The following EBF2 variants were observed in gnomAD, a reference collection of about 807,000 sequenced individuals.
EBF2 encodes the protein transcription factor COE2.
In EBF2, 21 loss-of-function variants were observed where a neutral mutation model predicts 72.8. That is an observed-to-expected ratio of 0.29 (90% CI 0.20 to 0.42). The LOEUF (loss-of-function observed/expected upper bound fraction) is 0.42. EBF2 is among the 10% of genes least tolerant of loss of function. The pLI is 1.00. For missense variants in EBF2, 637 were observed against 731.2 expected (o/e 0.87, Z 1.49); for synonymous variants, 299 against 274.2 (o/e 1.09, Z -0.89).
At chr8:25,901,651 C>T (rs1006361972) in intron 7 of EBF2, among the ~76,000 whole-genome samples, 10 of 152,178 alleles carry the variant, frequency 6.6e-5, no homozygotes, top group African/African-American at 2.2e-4. Flanking sequence ...GATCTGCTGA[C>T]ATTTGTGTCC....
chr8:25,960,360 T>C (rs1284141971), intron 6 of EBF2, among the ~76,000 whole-genome samples: 1 of 152,180 alleles, frequency 6.6e-6, no homozygotes, highest in Non-Finnish European at 1.5e-5. Context: ...ACAGAGCCCC[T>C]AAAAGCAAGC....
chr8:25,957,008 C>T (rs73675755), intron 6 of EBF2, among the ~76,000 whole-genome samples: 2,005 of 152,282 alleles, frequency 0.013, 47 homozygotes, highest in African/African-American at 0.046. Context: ...ACTGACAGAT[C>T]GAGAATATCT....
At chr8:25,959,122 G>C (rs1312778251) in intron 6 of EBF2, among the ~76,000 whole-genome samples, 2 of 152,168 alleles carry the variant, frequency 1.3e-5, no homozygotes, top group East Asian at 1.9e-4. Context: ...TGGTGCTCAG[G>C]AATTTCTTCA....
At chr8:25,989,016 G>A (rs985003833) in intron 6 of EBF2, among the ~76,000 whole-genome samples, 1 of 152,218 alleles carries the variant, frequency 6.6e-6, no homozygotes. Flanking sequence ...CAGTTGCGGT[G>A]TAGAGGAAAG....
chr8:25,877,893 T>C (rs1167749265), intron 10 of EBF2, among the ~76,000 whole-genome samples: 2 of 152,198 alleles, frequency 1.3e-5, no homozygotes, highest in Non-Finnish European at 2.9e-5. Flanking sequence ...CTCATTTCTT[T>C]GTTTAAAATA....
chr8:25,855,599 A>G (rs1020341819), intron 14 of EBF2, among the ~76,000 whole-genome samples: 1 of 152,168 alleles, frequency 6.6e-6, no homozygotes, highest in Non-Finnish European at 1.5e-5. Flanking sequence ...AAATCATAGA[A>G]TTGTGTTTTC....
At chr8:25,911,041 G>A (rs1236623696) in intron 6 of EBF2, among the ~76,000 whole-genome samples, 4 of 151,194 alleles carry the variant, frequency 2.6e-5, no homozygotes, top group East Asian at 1.9e-4. Flanking sequence ...CTGGTTCTCC[G>A]CCCTCCACCC....
chr8:25,969,020 A>T (rs79584291), intron 6 of EBF2, among the ~76,000 whole-genome samples: 3,903 of 152,248 alleles, frequency 0.026, 185 homozygotes, highest in African/African-American at 0.089. Flanking sequence ...GTAAAAAAAA[A>T]TTTTGATTGA....
intron 5 of EBF2, among the ~76,000 whole-genome samples, chr8:26,037,937 G>T (rs1350560187): frequency 1.3e-5 from 2 of 152,238 alleles, no homozygotes; most frequent in African/African-American, 4.8e-5. Context: ...ATCCGGGGAA[G>T]TGCCCAGGTA....
At chr8:26,033,231 T>G (rs982554258) in intron 5 of EBF2, 78 bp from the exon 6 acceptor site, 53 of 1,427,398 alleles carry the variant, frequency 3.7e-5, no homozygotes, top group Admixed American at 5.1e-5. Flanking sequence ...ACAAGAACAT[T>G]TTTTCCCCCC....
At chr8:25,855,840 G>A (rs939444609) in intron 14 of EBF2, among the ~76,000 whole-genome samples, 2 of 152,168 alleles carry the variant, frequency 1.3e-5, no homozygotes, top group Non-Finnish European at 2.9e-5. Context: ...CAAAAGTGAA[G>A]GTGCAAACCA....
At chr8:25,951,469 C>T (rs182338406) in intron 6 of EBF2, among the ~76,000 whole-genome samples, 2 of 152,176 alleles carry the variant, frequency 1.3e-5, no homozygotes, top group Non-Finnish European at 2.9e-5. Flanking sequence ...TGGAATCCAC[C>T]CCCTCACTTC....
intron 14 of EBF2, chr8:25,857,966 T>A: frequency 2.6e-6 from 1 of 388,184 alleles, no homozygotes. Context: ...GAAAAGTTCT[T>A]ATGGAGATTA....
At chr8:25,857,658 C>G (rs923867489) in intron 14 of EBF2, among the ~76,000 whole-genome samples, 2 of 152,178 alleles carry the variant, frequency 1.3e-5, no homozygotes, top group African/African-American at 4.8e-5. Context: ...GTTTTCACAA[C>G]TTCCCAGAGC....
chr8:26,040,725 C>T, intron 3 of EBF2, 54 bp from the exon 4 acceptor site: 2 of 1,542,402 alleles, frequency 1.3e-6, no homozygotes. Flanking sequence ...TTCCGGGCAC[C>T]CCAAACCCTT....
chr8:25,927,195 G>C (rs1191903051), intron 6 of EBF2, among the ~76,000 whole-genome samples: 1 of 151,992 alleles, frequency 6.6e-6, no homozygotes, highest in Non-Finnish European at 1.5e-5. Context: ...CTCAAAACTG[G>C]AGCATTGACT....
intron 7 of EBF2, among the ~76,000 whole-genome samples, chr8:25,903,078 C>T (rs189398649): frequency 1.1e-4 from 16 of 151,646 alleles, no homozygotes; most frequent in African/African-American, 3.2e-4. Flanking sequence ...TTTATGGATA[C>T]GTAGCAGACA....
intron 15 of EBF2, among the ~76,000 whole-genome samples, chr8:25,846,225 GTTTTT>G (rs1308572016): frequency 2.7e-5 from 4 of 146,298 alleles, no homozygotes; most frequent in Middle Eastern, 3.6e-3. Context: ...AGTGTAGGAG[GTTTTT>G]TTATTTTATT....
chr8:25,981,758 T>G (rs577879512), intron 6 of EBF2, among the ~76,000 whole-genome samples: 1 of 148,392 alleles, frequency 6.7e-6, no homozygotes, highest in African/African-American at 2.5e-5. Flanking sequence ...ATGGCACCAC[T>G]GCACTCCAGC....
Sources: gnomAD v4.1 joint callset for allele counts (sites outside exome capture counted in the v4.1 genomes callset) on GRCh38, gnomAD v4.1.1 for gene constraint, MANE v1.5 for transcripts, NCBI Gene and HGNC (gene_info 2026-07-23, HGNC 2026-07-21) for gene names.